Variants in PDILT observed in about 807,000 individuals in gnomAD.
PDILT encodes the protein protein disulfide-isomerase-like protein of the testis.
PDILT carries 43 observed loss-of-function variants against 53.7 expected under a neutral mutation model. The ratio of observed to expected loss-of-function variants is 0.80; its 90% CI spans 0.63 to 1.03. The LOEUF is 1.03. Ranked by LOEUF, PDILT falls within the 50% of genes least tolerant of loss-of-function variation. The pLI is 0.00. For missense variants in PDILT, 727 were observed against 712.3 expected, an observed-to-expected ratio of 1.02 and a Z score of -0.24; for synonymous variants, 282 against 274.2, an observed-to-expected ratio of 1.03 and a Z score of -0.28.
intron 1 of PDILT, 81 bp downstream of exon 1, chr16:20,404,415 A>T (rs1966788013): frequency 6.6e-6 from 1 of 152,198 alleles, no homozygotes; most frequent in Non-Finnish European, 1.5e-5. Flanking sequence ...CTTAAAACTT[A>T]AACTGGTGAC....
At chr16:20,390,004 A>G (rs1455014245) in intron 2 of PDILT, among the ~76,000 whole-genome samples, 29 of 152,176 alleles carry the variant, frequency 1.9e-4, no homozygotes, top group Admixed American at 1.8e-3. Flanking sequence ...GACAGCCCCC[A>G]GCCCCACAAG....
At chr16:20,385,081 A>G (rs1966517459) in intron 2 of PDILT, among the ~76,000 whole-genome samples, 1 of 152,202 alleles carries the variant, frequency 6.6e-6, no homozygotes, top group Non-Finnish European at 1.5e-5. Context: ...AAACAACACA[A>G]CCATGGGCAA....
At chr16:20,386,489 G>A (rs1037169589) in intron 2 of PDILT, among the ~76,000 whole-genome samples, 1 of 152,234 alleles carries the variant, frequency 6.6e-6, no homozygotes, top group Non-Finnish European at 1.5e-5. Flanking sequence ...AAGTCCAACA[G>A]AGAGGTCTTT....
intron 1 of PDILT, among the ~76,000 whole-genome samples, chr16:20,400,076 T>A (rs1425277108): frequency 6.8e-6 from 1 of 146,138 alleles, no homozygotes; most frequent in East Asian, 2.0e-4. Flanking sequence ...ATATATATTT[T>A]TTGAGACGGA....
intron 1 of PDILT, among the ~76,000 whole-genome samples, chr16:20,400,041 TC>T (rs2141624691): frequency 8.3e-6 from 1 of 120,436 alleles, no homozygotes; most frequent in Admixed American, 8.7e-5. Flanking sequence ...TATCTATCTA[TC>T]TATCTATCTA....
At chr16:20,398,661 CTG>C (rs781782052) in intron 2 of PDILT, among the ~76,000 whole-genome samples, 43 of 152,240 alleles carry the variant, frequency 2.8e-4, no homozygotes, top group Admixed American at 5.9e-4. Context: ...GGTCTAAAAA[CTG>C]TCTCCAGAGC....
At chr16:20,364,922 G>A (rs1035978273) in intron 9 of PDILT, among the ~76,000 whole-genome samples, 1 of 152,220 alleles carries the variant, frequency 6.6e-6, no homozygotes, top group African/African-American at 2.4e-5. Flanking sequence ...GCAGTTAGGA[G>A]TGTAGGTGCT....
chr16:20,384,307 A>G (rs1238699450), intron 3 of PDILT, among the ~76,000 whole-genome samples: 1 of 152,258 alleles, frequency 6.6e-6, no homozygotes, highest in Non-Finnish European at 1.5e-5. Flanking sequence ...TTCTAAAAAC[A>G]GAGCTGAACT....
chr16:20,375,650 G>A (rs909680335), intron 4 of PDILT, among the ~76,000 whole-genome samples: 1 of 152,134 alleles, frequency 6.6e-6, no homozygotes, highest in African/African-American at 2.4e-5. Flanking sequence ...CTAAGGGTTG[G>A]TGTATTTTCG....
At chr16:20,373,503 C>A (rs1414414089) in intron 5 of PDILT, among the ~76,000 whole-genome samples, 1 of 152,216 alleles carries the variant, frequency 6.6e-6, no homozygotes, top group African/African-American at 2.4e-5. Flanking sequence ...AACCCAGTCC[C>A]AGGAGATTCA....
rs760471673 is a variant in PDILT, at chr16:20,365,504, C to G, written c.1153G>C (p.Asp385His). The change falls in exon 9 of 12, where the codon GAC becomes CAC. Residue 385 changes from aspartate to histidine, a missense_variant. By Grantham distance (81) the Asp-to-His change is moderately conservative (BLOSUM62 -1). Coordinates refer to ENST00000302451, the MANE Select transcript of PDILT (RefSeq NM_174924.2). ...ACGAGCTGCTTAACCAGTCCCTGGT[C>G]CCAGTATTTTGGAATCTCTTCACTG... The part of the protein sequence containing the change: ...QSSEEIPKYW[D>H]QGLVKQLVGK... The G allele has an allele frequency of 6.2e-6, 10 of 1,613,858 alleles. No individual in the cohort carries two copies. The highest frequency in any genetic ancestry group is 8.5e-6 in the Non-Finnish European group (10 of 1,179,846).
At position 20,362,443 on chromosome 16, in the gene PDILT, C is replaced by T. The variant is rs756925042; in HGVS notation, c.1377G>A (p.Arg459=). The change falls in exon 10 of 12, where the codon CGG becomes CGA. Residue 459 remains arginine (R), a synonymous_variant. Transcript: ENST00000302451. ...TGGGGAACAGCCTGAAGAATGGGTA[C>T]CGGTCCAGGTACATCAGCTGAATGT... The part of the protein sequence containing the change: ...ANDIQLMYLD[R]YPFFRLFPSG... The T allele has an allele frequency of 4.3e-6, 7 of 1,614,196 alleles. No homozygotes were observed. The highest frequency in any genetic ancestry group is 5.9e-6 in the Non-Finnish European group (7 of 1,180,032).
At chr16:20,384,417 G>A (rs1408960666) in intron 3 of PDILT, among the ~76,000 whole-genome samples, 3 of 152,194 alleles carry the variant, frequency 2.0e-5, no homozygotes, top group Middle Eastern at 3.4e-3. Flanking sequence ...TCATGGCCAG[G>A]GCCATGAACA....
At chr16:20,373,295 C>T (rs982301381) in intron 5 of PDILT, among the ~76,000 whole-genome samples, 173 bp from the exon 6 acceptor site, 5 of 152,106 alleles carry the variant, frequency 3.3e-5, no homozygotes, top group African/African-American at 1.2e-4. Flanking sequence ...CCAGATTAGT[C>T]AGTGGGTAGA....
chr16:20,403,849 CG>C (rs1966778936), intron 1 of PDILT, among the ~76,000 whole-genome samples: 1 of 152,030 alleles, frequency 6.6e-6, no homozygotes, highest in South Asian at 2.1e-4. Context: ...ACACCCTACC[CG>C]GGGCCTTTGC....
chr16:20,384,716 A>G lies in PDILT; in HGVS notation c.338T>C (p.Phe113Ser). ...ITIEKELQQE[F>S]GITKAPELKL... Reference sequence around the variant, plus strand: ...CAACTCCGGGGCCTTGGTAATCCCAAACTCCTGCTGAAGCTCCTTCTCTAT... The same window carrying G: ...CAACTCCGGGGCCTTGGTAATCCCAGACTCCTGCTGAAGCTCCTTCTCTAT... The change falls in exon 3 of 12, where the codon TTT becomes TCT. Residue 113 changes from phenylalanine to serine, a missense_variant. Coordinates refer to ENST00000302451, the MANE Select transcript of PDILT (RefSeq NM_174924.2). The G allele has an allele frequency of 6.2e-7, 1 of 1,614,138 alleles. No homozygotes were observed. Among genetic ancestry groups the G allele is most frequent in the Non-Finnish European group, 8.5e-7 (1 of 1,180,012 alleles).
At chr16:20,382,162 G>C (rs181880399) in intron 3 of PDILT, among the ~76,000 whole-genome samples, 193 of 152,306 alleles carry the variant, frequency 1.3e-3, no homozygotes, top group African/African-American at 3.8e-3. Context: ...GCCTCCCAGA[G>C]TGTTGGGATT....
intron 9 of PDILT, 84 bp downstream of exon 9, chr16:20,365,336 T>C: frequency 1.3e-6 from 2 of 1,515,756 alleles, no homozygotes; most frequent in South Asian, 1.2e-5. Flanking sequence ...GTTTTAGAGA[T>C]TTCAGTGCCC....
chr16:20,378,925 T>C (rs74811560), intron 3 of PDILT, among the ~76,000 whole-genome samples: 5 of 152,234 alleles, frequency 3.3e-5, no homozygotes, highest in African/African-American at 7.2e-5. Flanking sequence ...CAGTTTTTCA[T>C]GTACTTGAAG....
Sources: gnomAD v4.1 joint callset for allele counts (sites outside exome capture counted in the v4.1 genomes callset) on GRCh38, gnomAD v4.1.1 for gene constraint, MANE v1.5 for transcripts, NCBI Gene and HGNC (gene_info 2026-07-23, HGNC 2026-07-21) for gene names.